Variants in SASH1 observed in about 807,000 individuals in gnomAD.
SASH1 encodes SAM and SH3 domain containing 1, also known as SAM and SH3 domain-containing protein 1.
A neutral mutation model predicts 125.2 loss-of-function variants in SASH1; 44 were observed. The ratio of observed to expected loss-of-function variants is 0.35; its 90% CI spans 0.28 to 0.45. SASH1 has a LOEUF of 0.45. Among genes scored for constraint, SASH1 ranks in the 20% least tolerant of loss-of-function variants. The pLI is 1.00. For missense variants in SASH1, 1,426 were observed against 1,614.5 expected, an observed-to-expected ratio of 0.88 and a Z score of 2.00; for synonymous variants, 639 against 649.1, an observed-to-expected ratio of 0.98 and a Z score of 0.24.
intron 1 of SASH1, among the ~76,000 whole-genome samples, chr6:148,308,282 C>CCA (rs202208671): frequency 1.5e-4 from 23 of 151,622 alleles, no homozygotes; most frequent in African/African-American, 4.1e-4. Context: ...CCGCCCCCCC[C>CCA]AAAAATGTAT....
At position 148,346,625 on chromosome 6, in the gene SASH1, A is replaced by G. The variant is rs577296740; in HGVS notation, c.156+3402A>G. ...TTGTTGAAAGAAAAAGGGGAAAAGT[A>G]TGTATTTCTTAAATGCAGGAGTCAC... is the stretch of plus-strand genomic sequence containing the variant. On this transcript the variant is annotated intron_variant, in intron 1 of 19. Coordinates refer to ENST00000367467, the MANE Select transcript of SASH1 (RefSeq NM_015278.5). Among the ~76,000 whole-genome samples the G allele has an allele frequency of 6.6e-5, 10 of 152,336 alleles. 1 individual carries two copies. The South Asian group carries it at 1.9e-3, about 28-fold the overall frequency.
intron 1 of SASH1, among the ~76,000 whole-genome samples, chr6:148,368,296 A>G (rs1050837623): frequency 6.6e-6 from 1 of 151,950 alleles, no homozygotes; most frequent in Admixed American, 6.6e-5. Flanking sequence ...TTTGTTTTTT[A>G]GACAGAGTCT....
rs907931236 is a variant in SASH1 at position 148,322,889 on chromosome 6, CTTCT to C, written n.74+50521_74+50524del. On this transcript the variant is annotated intron_variant and non_coding_transcript_variant, in intron 1 of 3. Coordinates refer to the SASH1 transcript ENST00000367469. ...CATCTTTCTTTCTTTCTTTCTTTTT[CTTCT>C]TTCTTTCTCTCTCTTTCTTTCTTTT... 6.5e-4 allele frequency among the ~76,000 whole-genome samples: 73 copies of C among 111,506 alleles called. 6 individuals are homozygous for C. Among genetic ancestry groups the C allele is most frequent in the Non-Finnish European group, 1.2e-3 (62 of 51,354 alleles). The allele number at this position is 111,506 out of a possible 152,430, so 73.2% of individuals were successfully genotyped here. A position where few individuals can be genotyped will look rare whatever the true frequency, so the allele number is the denominator to read the frequency against.
chr6:148,532,419 G>A lies in SASH1; in HGVS notation c.1565-378G>A, dbSNP rs1201927435. Among the ~76,000 whole-genome samples, 1 of 152,210 alleles carries A rather than the reference G, an allele frequency of 6.6e-6. No individual in the cohort carries two copies. Among genetic ancestry groups the A allele is most frequent in the African/African-American group, 2.4e-5 (1 of 41,450 alleles). ...CTCTTTCTTACCCTTTTGGGCAAATGACATGACTGCTCTGAATTTGTTTCC... is the reference window on the plus strand; with the variant it reads ...CTCTTTCTTACCCTTTTGGGCAAATAACATGACTGCTCTGAATTTGTTTCC... On this transcript the variant is annotated intron_variant, in intron 13 of 19. Transcript: ENST00000367467. The surrounding 1 kb of genome is among the most constrained non-coding windows in gnomAD (Gnocchi z 4.7).
chr6:148,361,636 A>G (rs1782211697), intron 1 of SASH1, among the ~76,000 whole-genome samples: 1 of 152,196 alleles, frequency 6.6e-6, no homozygotes, highest in Admixed American at 6.5e-5. Flanking sequence ...AGGACAGCAG[A>G]ACTTTTTCCA....
Position 148,546,429 on chromosome 6 carries a change from G to C in SASH1, c.3480+283G>C, listed in dbSNP as rs1406153946. The stretch of plus-strand genomic sequence containing the variant: ...CACACCTGTAATCCTAGTTACTTGG[G>C]AGGCAGAAGCAGGAGGATTGCTTGA... On this transcript the variant is annotated intron_variant, in intron 19 of 19. Transcript: ENST00000367467. Among the ~76,000 whole-genome samples, 3 of 152,294 alleles carry C rather than the reference G, an allele frequency of 2.0e-5. No individual in the cohort carries two copies. The East Asian group carries it at 5.8e-4, about 29-fold the overall frequency.
At chr6:148,317,513 C>T (rs1222728278) in intron 1 of SASH1, among the ~76,000 whole-genome samples, 2 of 152,252 alleles carry the variant, frequency 1.3e-5, no homozygotes, top group Admixed American at 6.5e-5. Flanking sequence ...CAACCTCCGC[C>T]TCCTGGGCTC....
At chr6:148,369,933 A>C in intron 1 of SASH1, among the ~76,000 whole-genome samples, 1 of 148,440 alleles carries the variant, frequency 6.7e-6, no homozygotes. Flanking sequence ...CAGTCTGAGC[A>C]ACACAGCGAG....
chr6:148,476,274 C>G (rs200410365), intron 7 of SASH1, among the ~76,000 whole-genome samples: 3 of 88,150 alleles, frequency 3.4e-5, no homozygotes, highest in Non-Finnish European at 4.6e-5. Context: ...AAAAGGACAC[C>G]AAAAAAAAAA....
chr6:148,322,236 A>G (rs1227405822), intron 1 of SASH1, among the ~76,000 whole-genome samples: 2 of 152,132 alleles, frequency 1.3e-5, no homozygotes, highest in Non-Finnish European at 2.9e-5. Flanking sequence ...CTGTAATCCC[A>G]GCTACTTGGG....
chr6:148,303,960 T>G (rs1047202962), intron 1 of SASH1, among the ~76,000 whole-genome samples: 5 of 152,038 alleles, frequency 3.3e-5, no homozygotes, highest in African/African-American at 1.2e-4. Flanking sequence ...CAGAAGGCAA[T>G]GTATGGCTCT....
At chr6:148,305,927 T>C (rs999874981) in intron 1 of SASH1, among the ~76,000 whole-genome samples, 2 of 152,208 alleles carry the variant, frequency 1.3e-5, no homozygotes, top group South Asian at 2.1e-4. Flanking sequence ...AATGGGAATG[T>C]CCATGGCACA....
chr6:148,399,495 G>A (rs1034139074), intron 2 of SASH1, among the ~76,000 whole-genome samples: 43 of 151,868 alleles, frequency 2.8e-4, no homozygotes, highest in Non-Finnish European at 5.6e-4. Context: ...CAAAATGCTA[G>A]GATTACAGAA....
At chr6:148,526,787 T>C (rs985431245) in intron 11 of SASH1, among the ~76,000 whole-genome samples, 1 of 152,216 alleles carries the variant, frequency 6.6e-6, no homozygotes, top group African/African-American at 2.4e-5. Context: ...TCTAATCTCT[T>C]TCTCCAGGCA....
At chr6:148,194,823 G>A in the SASH1 span, among the ~76,000 whole-genome samples, 2 of 152,154 alleles carry the variant, frequency 1.3e-5, no homozygotes, top group Non-Finnish European at 2.9e-5. Context: ...GGAAAATGGC[G>A]TGAACCTAGG....
At chr6:148,387,682 T>C (rs564075826) in intron 1 of SASH1, among the ~76,000 whole-genome samples, 10 of 122,932 alleles carry the variant, frequency 8.1e-5, no homozygotes, top group East Asian at 6.6e-4. Context: ...CTTTCTTTCT[T>C]TCTTTCTTTC....
intron 1 of SASH1, among the ~76,000 whole-genome samples, chr6:148,282,660 G>A (rs1400100327): frequency 2.6e-5 from 4 of 152,084 alleles, no homozygotes; most frequent in South Asian, 4.1e-4. Context: ...GGTTACAGAC[G>A]TGAGCCACCA....
chr6:148,521,036 A>G (rs2115356600), intron 10 of SASH1, among the ~76,000 whole-genome samples: 1 of 152,344 alleles, frequency 6.6e-6, no homozygotes, highest in East Asian at 1.9e-4. Flanking sequence ...CTCAGCAAGG[A>G]ATAAAGTACT....
intron 1 of SASH1, among the ~76,000 whole-genome samples, chr6:148,328,326 C>T (rs910918111): frequency 2.0e-5 from 3 of 152,136 alleles, no homozygotes; most frequent in Non-Finnish European, 2.9e-5. Flanking sequence ...AGGCCGGGCG[C>T]GGTGGCTCAC....
Sources: gnomAD v4.1 joint callset for allele counts (sites outside exome capture counted in the v4.1 genomes callset) on GRCh38, gnomAD v4.1.1 for gene constraint, Gnocchi (gnomAD v3.1) non-coding constraint, MANE v1.5 for transcripts, NCBI Gene and HGNC (gene_info 2026-07-23, HGNC 2026-07-21) for gene names.